SOS2: variants seen among roughly 807,000 people sequenced by gnomAD.
SOS2 encodes the protein SOS Ras/Rho guanine nucleotide exchange factor 2.
In SOS2, 65 loss-of-function variants were observed where a neutral mutation model predicts 148.2. The ratio of observed to expected loss-of-function variants is 0.44; its 90% confidence interval spans 0.36 to 0.54. The LOEUF is 0.54. Ranked by LOEUF, SOS2 falls within the 20% of genes least tolerant of loss-of-function variation. The pLI is 0.00. For missense variants in SOS2, 1,341 were observed against 1,590.2 expected (o/e 0.84, Z 2.67); for synonymous variants, 539 against 537.1 (o/e 1.00, Z -0.05).
rs753416744 is a variant in SOS2 at position 50,156,971 on chromosome 14, A to G, written c.2057+28T>C. 17 of 1,323,162 alleles carry G rather than the reference A, an allele frequency of 1.3e-5. 1 individual carries two copies. The African/African-American group carries it at 1.3e-4, about 10-fold the overall frequency. 82.0% of individuals were successfully genotyped at this position (1,323,162 alleles called of 1,614,324 possible). On this transcript the variant is annotated intron_variant, in intron 12 of 22. Transcript: ENST00000216373. ...TGTGTGTATATATATGTGTATATAT[A>G]TATATATAAAAAATATTCAAGCCAA...
chr14:50,174,466 A>G lies in SOS2; in HGVS notation c.1056T>C (p.Phe352=), dbSNP rs1265138990. The part of the protein sequence containing the change: ...LVPVYHCWHY[F]ELLKQLKACS... ...TATAAAACCTTACCTTTAGTAACTCAAAGTAGTGCCAACAGTGATACACTG... is the reference window on the plus strand; with the variant it reads ...TATAAAACCTTACCTTTAGTAACTCGAAGTAGTGCCAACAGTGATACACTG... The change falls in exon 8 of 23, where the codon TTT becomes TTC. Residue 352 remains phenylalanine, a synonymous_variant. Transcript: ENST00000216373. 6.3e-7 allele frequency: 1 copy of G among 1,593,934 alleles called. No homozygotes were observed. Among genetic ancestry groups the G allele is most frequent in the Non-Finnish European group, 8.6e-7 (1 of 1,165,366 alleles).
rs1175080849 is a variant in SOS2, at chr14:50,211,550, G to GT, written c.88-7142dup. On this transcript the variant is annotated intron_variant, in intron 1 of 22. Transcript: ENST00000216373. ...CCGTAAATGAGAACATGCAGCATTT[G>GT]TTTTTTTTTTGTTCCTGCATTAATT... 3.1e-3 allele frequency among the ~76,000 whole-genome samples: 457 copies of GT among 145,382 alleles called. 1 individual carries two copies. Among genetic ancestry groups the GT allele is most frequent in the East Asian group, 0.014 (68 of 4,972 alleles).
Position 50,158,553 on chromosome 14 carries a change from T to C in SOS2, c.1934+12A>G, listed in dbSNP as rs1054073809. 4.0e-6 allele frequency: 6 copies of C among 1,518,722 alleles called. No individual in the cohort carries two copies. 94.1% of individuals were successfully genotyped at this position (1,518,722 alleles called of 1,614,324 possible). The stretch of plus-strand genomic sequence containing the variant: ...AAAATGTCAATATAACTGAAATACA[T>C]ATTTTTCTTACCGTTCAATCAGTAA... On this transcript the variant is annotated intron_variant, in intron 11 of 22. Coordinates refer to ENST00000216373, the MANE Select transcript of SOS2 (RefSeq NM_006939.4).
intron 14 of SOS2, among the ~76,000 whole-genome samples, chr14:50,148,220 T>C (rs1015550465): frequency 2.0e-5 from 3 of 151,864 alleles, no homozygotes; most frequent in Admixed American, 6.6e-5. Flanking sequence ...GTGACCACTG[T>C]GGCCAACATG....
chr14:50,141,145 C>T lies in SOS2; in HGVS notation c.2668-1086G>A, dbSNP rs975183156. On this transcript the variant is annotated intron_variant, in intron 16 of 22. Transcript: ENST00000216373. The stretch of plus-strand genomic sequence containing the variant: ...CATGAACCTGGGAGGTGGAGCTTGC[C>T]GTGAGCCGAGATTGTGCCACTGCAC... 9.4e-5 allele frequency among the ~76,000 whole-genome samples: 13 copies of T among 138,530 alleles called. 2 individuals are homozygous for T. The highest frequency in any genetic ancestry group is 8.9e-4 in the Admixed American group (11 of 12,348). The allele number at this position is 138,530 out of a possible 152,430, so 90.9% of individuals were successfully genotyped here. A position where few individuals can be genotyped will look rare whatever the true frequency, so the allele number is the denominator to read the frequency against.
At chr14:50,178,671 CATATATATATAT>C (rs1170021476) in intron 7 of SOS2, among the ~76,000 whole-genome samples, 9 of 14,454 alleles carry the variant, frequency 6.2e-4, no homozygotes, top group Admixed American at 2.0e-3. Flanking sequence ...TGTGTGTGTG[CATATATATATAT>C]ATATATATAT....
intron 2 of SOS2, among the ~76,000 whole-genome samples, chr14:50,201,580 C>T (rs1252350938): frequency 7.0e-6 from 1 of 143,690 alleles, no homozygotes; most frequent in African/African-American, 2.5e-5. Context: ...AATTTTTCCA[C>T]ATAATTTTCA....
chr14:50,135,491 A>G (rs145097544), intron 18 of SOS2, among the ~76,000 whole-genome samples: 2,356 of 150,902 alleles, frequency 0.016, 30 homozygotes, highest in Middle Eastern at 0.031. Context: ...CTATCTTCCA[A>G]TGATTTTACT....
rs184342140 is a variant in SOS2, at chr14:50,227,474, G to A, written c.87+3723C>T. Among the ~76,000 whole-genome samples, 7 of 151,684 alleles carry A rather than the reference G, an allele frequency of 4.6e-5. No homozygotes were observed. The East Asian group carries it at 5.8e-4, about 13-fold the overall frequency. On this transcript the variant is annotated intron_variant, in intron 1 of 22. Coordinates refer to ENST00000216373, the MANE Select transcript of SOS2 (RefSeq NM_006939.4). ...ATCGCCCATGCTGGAGTGCAGTGGCGCGATCTCGGCTCAACTGCAAGCTCC... is the reference window on the plus strand; with the variant it reads ...ATCGCCCATGCTGGAGTGCAGTGGCACGATCTCGGCTCAACTGCAAGCTCC...
At chr14:50,191,576 C>T (rs1165375920) in intron 4 of SOS2, among the ~76,000 whole-genome samples, 14 of 152,202 alleles carry the variant, frequency 9.2e-5, no homozygotes. Context: ...CTTACCTTCT[C>T]TACCACCCAC....
chr14:50,203,803 T>G (rs1485579714), intron 2 of SOS2, among the ~76,000 whole-genome samples: 2 of 150,392 alleles, frequency 1.3e-5, no homozygotes, highest in African/African-American at 2.4e-5. Context: ...TTTTTTTTGT[T>G]TTTTTTTTTT....
At chr14:50,224,351 A>G in intron 1 of SOS2, among the ~76,000 whole-genome samples, 1 of 149,200 alleles carries the variant, frequency 6.7e-6, no homozygotes, top group Non-Finnish European at 1.5e-5. Context: ...ACACACACAC[A>G]CACACACACA....
At chr14:50,134,069 A>G in intron 19 of SOS2, 54 bp downstream of exon 19, 1 of 895,322 alleles carries the variant, frequency 1.1e-6, no homozygotes, top group South Asian at 1.4e-5. Context: ...TTAAACATTG[A>G]AAATAATATT....
intron 1 of SOS2, among the ~76,000 whole-genome samples, chr14:50,219,204 T>C (rs1173509651): frequency 2.6e-5 from 4 of 152,130 alleles, no homozygotes; most frequent in Non-Finnish European, 5.9e-5. Flanking sequence ...TTGAAACATA[T>C]CTTCATACAA....
At chr14:50,127,304 G>C (rs898190674) in intron 21 of SOS2, among the ~76,000 whole-genome samples, 1 of 152,068 alleles carries the variant, frequency 6.6e-6, no homozygotes, top group African/African-American at 2.4e-5. Flanking sequence ...ACTATGCCCA[G>C]CTAATTTTTG....
At chr14:50,221,273 A>T (rs1203200503) in intron 1 of SOS2, among the ~76,000 whole-genome samples, 1 of 152,172 alleles carries the variant, frequency 6.6e-6, no homozygotes, top group Admixed American at 6.5e-5. Flanking sequence ...CTGGGAAAAG[A>T]TCGCTATTAA....
In SOS2 at chr14:50,136,802, C is replaced by T. The variant is rs1163369596; in HGVS notation, c.2958+1810G>A. 2.0e-5 allele frequency among the ~76,000 whole-genome samples: 3 copies of T among 152,198 alleles called. No individual in the cohort carries two copies. In the East Asian group the frequency reaches 5.8e-4, roughly 29 times the overall value. The stretch of plus-strand genomic sequence containing the variant: ...ACAGAGTTTCACCACGTTGGCCAGG[C>T]TGGTCTTGAACTCCTGACCTCAGGT... On this transcript the variant is annotated intron_variant, in intron 18 of 22. Coordinates refer to ENST00000216373, the MANE Select transcript of SOS2 (RefSeq NM_006939.4).
chr14:50,178,647 A>AGT lies in SOS2; in HGVS notation c.969+1923_969+1924dup, dbSNP rs1291991897. ...ACAGGTGTGCACCACCATGCCCGCT[A>AGT]GTGTGTGTGTGTGTGTGTGTGTGCA... On this transcript the variant is annotated intron_variant, in intron 7 of 22. Coordinates refer to ENST00000216373, the MANE Select transcript of SOS2 (RefSeq NM_006939.4). Among the ~76,000 whole-genome samples, 172 of 89,192 alleles carry AGT rather than the reference A, an allele frequency of 1.9e-3. 1 individual carries two copies. The highest frequency in any genetic ancestry group is 0.016 in the East Asian group (30 of 1,912). The allele number at this position is 89,192 out of a possible 152,430, so 58.5% of individuals were successfully genotyped here. A position where few individuals can be genotyped will look rare whatever the true frequency, so the allele number is the denominator to read the frequency against.
intron 1 of SOS2, among the ~76,000 whole-genome samples, chr14:50,213,277 T>G (rs1886940654): frequency 6.6e-6 from 1 of 152,090 alleles, no homozygotes; most frequent in Non-Finnish European, 1.5e-5. Flanking sequence ...GATAGGATAT[T>G]TAGAAAACTG....
Sources: allele counts gnomAD v4.1 joint callset (sites outside exome capture counted in the v4.1 genomes callset), GRCh38; gene constraint gnomAD v4.1.1; transcripts MANE v1.5; gene names NCBI Gene and HGNC (gene_info 2026-07-23, HGNC 2026-07-21).